Variants in MIA3 observed in about 807,000 individuals in gnomAD.
MIA3 encodes transport and Golgi organization protein 1 homolog.
MIA3 carries 90 observed loss-of-function variants against 192.4 expected under a neutral mutation model. That is an observed-to-expected ratio of 0.47 (90% CI 0.39 to 0.56). MIA3 has a LOEUF of 0.56. Ranked by LOEUF, MIA3 falls within the 20% of genes least tolerant of loss-of-function variation. The pLI is 0.00. For missense variants in MIA3, 2,123 were observed against 2,269.4 expected (o/e 0.94, Z 1.31); for synonymous variants, 740 against 792.8 (o/e 0.93, Z 1.12).
chr1:222,653,919 A>G (rs1165308754), intron 15 of MIA3, among the ~76,000 whole-genome samples: 1 of 152,228 alleles, frequency 6.6e-6, no homozygotes, highest in Non-Finnish European at 1.5e-5. Context: ...GTTTTAAACC[A>G]CACCTGGTAG....
chr1:222,634,089 A>C (rs1306437872), intron 6 of MIA3, among the ~76,000 whole-genome samples: 1 of 152,044 alleles, frequency 6.6e-6, no homozygotes, highest in Non-Finnish European at 1.5e-5. Flanking sequence ...GGAGCTGCCC[A>C]CCTTGGCCTC....
intron 12 of MIA3, 42 bp downstream of exon 12, chr1:222,652,090 C>A: frequency 7.4e-7 from 1 of 1,348,028 alleles, no homozygotes; most frequent in Non-Finnish European, 1.1e-6. Context: ...AATACTATAT[C>A]ATAGTTTGAT....
chr1:222,652,382 C>T (rs1477705911), intron 13 of MIA3, 50 bp downstream of exon 13: 15 of 1,132,490 alleles, frequency 1.3e-5, no homozygotes, highest in Non-Finnish European at 2.0e-5. Context: ...AACTCAGTAT[C>T]ATACCTCATG....
intron 15 of MIA3, 89 bp from the exon 16 acceptor site, chr1:222,654,154 C>T: frequency 8.1e-7 from 1 of 1,236,324 alleles, no homozygotes; most frequent in Non-Finnish European, 1.2e-6. Context: ...TTGAACATGA[C>T]AATTGTTTAG....
chr1:222,662,237 C>T lies in MIA3; in HGVS notation c.5183-16C>T. The T allele has an allele frequency of 1.2e-6, 2 of 1,611,714 alleles. No homozygotes were observed. Among genetic ancestry groups the T allele is most frequent in the Admixed American group, 1.7e-5 (1 of 60,006 alleles). ...AAGTCAGAATAAGTCTACATCAGTT[C>T]TCTGGTCTTTAACAGATCCAGGATC... On this transcript the variant is annotated splice_polypyrimidine_tract_variant and intron_variant, in intron 25 of 27. Coordinates refer to ENST00000344922, the MANE Select transcript of MIA3 (RefSeq NM_198551.4).
At position 222,652,022 on chromosome 1, in the gene MIA3, T is replaced by G; in HGVS notation, c.3955T>G (p.Ser1319Ala). The G allele has an allele frequency of 6.3e-7, 1 of 1,577,460 alleles. No homozygotes were observed. Among genetic ancestry groups the G allele is most frequent in the Non-Finnish European group, 8.7e-7 (1 of 1,146,798 alleles). The change falls in exon 12 of 28, where the codon TCA (serine) becomes GCA (alanine). Residue 1319 changes from serine to alanine, a missense_variant. Physicochemically the swap from Ser to Ala is moderately conservative, Grantham distance 99 (BLOSUM62 1). Around this residue, in one of 3 missense-constraint regions of MIA3, gnomAD observed 762 missense variants for 856.4 expected, o/e 0.89. Coordinates refer to ENST00000344922, the MANE Select transcript of MIA3 (RefSeq NM_198551.4). The stretch of plus-strand genomic sequence containing the variant: ...TATAGAGAAGTTAAAGGATGTTATT[T>G]CAATGAATGCCTCAGAATTTTCAGA... Reference protein sequence around the residue: ...KSIEKLKDVISMNASEFSEVQ... With the variant: ...KSIEKLKDVIAMNASEFSEVQ...
intron 18 of MIA3, 29 bp from the exon 19 acceptor site, chr1:222,658,693 A>G (rs1459186120): frequency 6.6e-7 from 1 of 1,518,046 alleles, no homozygotes; most frequent in East Asian, 2.3e-5. Context: ...AAAGAGAAAC[A>G]CTTTCATTGA....
In MIA3 at chr1:222,664,020, C is replaced by T. The variant is rs1664152589; in HGVS notation, c.5285C>T (p.Pro1762Leu). The T allele has an allele frequency of 1.2e-6, 2 of 1,613,880 alleles. No homozygotes were observed. The highest frequency in any genetic ancestry group is 2.2e-5 in the South Asian group (2 of 91,072). The part of the protein sequence containing the change: ...EGKVNMAPKG[P>L]PPFPGVPLMS... ...CAGGTTAATATGGCTCCAAAAGGGC[C>T]CCCTCCTTTCCCAGGAGTCCCTCTC... The change falls in exon 27 of 28, where the codon CCC (proline) becomes CTC (leucine). Residue 1762 changes from proline to leucine, a missense_variant. Pro to Leu is a moderately conservative substitution (Grantham distance 98). This residue lies in a region of MIA3 where 762 missense variants were observed against 856.4 expected (regional missense o/e 0.89). Transcript: ENST00000344922.
chr1:222,632,626 C>G lies in MIA3; in HGVS notation c.3331+300C>G, dbSNP rs185392451. 2.6e-3 allele frequency among the ~76,000 whole-genome samples: 390 copies of G among 152,248 alleles called. 3 individuals are homozygous for G. The highest frequency in any genetic ancestry group is 9.1e-3 in the African/African-American group (377 of 41,528). ...TCTAAAACAGTAGTTTTCAACCAGC[C>G]CAGCAGCATCAGAAACTCTGGGGGT... is the stretch of plus-strand genomic sequence containing the variant. On this transcript the variant is annotated intron_variant, in intron 5 of 27. Transcript: ENST00000344922.
chr1:222,643,646 C>T (rs1199476771), intron 6 of MIA3, among the ~76,000 whole-genome samples: 2 of 152,152 alleles, frequency 1.3e-5, no homozygotes, highest in African/African-American at 4.8e-5. Flanking sequence ...TTATCCTTGT[C>T]CTTTTCCACA....
Position 222,660,762 on chromosome 1 carries a change from TTATG to T in MIA3, c.5113+454_5113+457del, listed in dbSNP as rs756048596. ...GAAATATAAAAAAATTAAGAAAAATTTATGTATGTCGTGAATGCATAAAATATAT... is the reference window on the plus strand; with the variant it reads ...GAAATATAAAAAAATTAAGAAAAATTTATGTCGTGAATGCATAAAATATAT... On this transcript the variant is annotated intron_variant, in intron 24 of 27. Coordinates refer to ENST00000344922, the MANE Select transcript of MIA3 (RefSeq NM_198551.4). 3.0e-5 allele frequency: 5 copies of T among 166,008 alleles called. No homozygotes were observed. In the South Asian group the frequency reaches 5.7e-4, roughly 19 times the overall value. 10.3% of individuals were successfully genotyped at this position (166,008 alleles called of 1,614,324 possible).
chr1:222,644,944 G>A (rs2124887680), intron 6 of MIA3, among the ~76,000 whole-genome samples: 1 of 152,312 alleles, frequency 6.6e-6, no homozygotes, highest in South Asian at 2.1e-4. Context: ...AAACAGCATA[G>A]AGCAGACAGG....
At chr1:222,618,287 TGGGGTCTCCGCCGGCCCCG>T (rs764516614) in intron 1 of MIA3, 44 bp downstream of exon 1, 3 of 1,342,102 alleles carry the variant, frequency 2.2e-6, no homozygotes, top group African/African-American at 1.5e-5. Flanking sequence ...CGGCTGGCCT[TGGGGTCTCCGCCGGCCCCG>T]GGGGTCTCCG....
chr1:222,652,907 G>A (rs1402216235), intron 13 of MIA3, 101 bp from the exon 14 acceptor site: 4 of 1,358,910 alleles, frequency 2.9e-6, no homozygotes, highest in Non-Finnish European at 4.0e-6. Flanking sequence ...GATAGGCCAA[G>A]GAGAGGCATG....
intron 27 of MIA3, chr1:222,664,794 A>G: frequency 4.1e-6 from 1 of 246,072 alleles, no homozygotes; most frequent in South Asian, 4.7e-5. Flanking sequence ...GAATTTATCA[A>G]AATTTTTATT....
rs771056831 is a variant in MIA3 at position 222,654,759 on chromosome 1, G to C, written c.4573G>C (p.Glu1525Gln). The change falls in exon 18 of 28, where the codon GAG (glutamate) becomes CAG (glutamine). Residue 1525 changes from glutamate (E) to glutamine (Q), a missense_variant. Physicochemically the swap from Glu to Gln is conservative, Grantham distance 29. Transcript: ENST00000344922. ...TLRQKVEILN[E>Q]LYQQKEMALQ... ...GAGGCAGAAAGTGGAGATTCTGAAT[G>C]AGCTCTATCAGCAGAAGGAGATGGC... is the stretch of plus-strand genomic sequence containing the variant. The C allele has an allele frequency of 6.2e-7, 1 of 1,613,992 alleles. No homozygotes were observed. Among genetic ancestry groups the C allele is most frequent in the African/African-American group, 1.3e-5 (1 of 74,926 alleles).
chr1:222,658,785 A>G lies in MIA3; in HGVS notation c.4671A>G (p.Glu1557=), dbSNP rs781691260. The change falls in exon 19 of 28, where the codon GAA becomes GAG. Residue 1557 remains glutamate (E), a synonymous_variant. Coordinates refer to ENST00000344922, the MANE Select transcript of MIA3 (RefSeq NM_198551.4). ...EREHRLSAAD[E]KAVSAAEEVK... Reference sequence around the variant, plus strand: ...AGCACAGGCTGTCAGCTGCAGATGAAAAGGCAGTTTCGGCTGCAGAGGAAG... The same window carrying G: ...AGCACAGGCTGTCAGCTGCAGATGAGAAGGCAGTTTCGGCTGCAGAGGAAG... 1 of 1,613,444 alleles carries G rather than the reference A, an allele frequency of 6.2e-7. No individual in the cohort carries two copies. The highest frequency in any genetic ancestry group is 8.5e-7 in the Non-Finnish European group (1 of 1,179,632).
chr1:222,665,124 G>A (rs576085659), intron 27 of MIA3, 185 bp from the exon 28 acceptor site: 16 of 572,910 alleles, frequency 2.8e-5, no homozygotes, highest in East Asian at 5.9e-5. Flanking sequence ...GATTGAGTCC[G>A]GGAGATTGAG....
chr1:222,660,871 C>G (rs1051764875), intron 24 of MIA3: 1 of 152,864 alleles, frequency 6.5e-6, no homozygotes, highest in Non-Finnish European at 1.5e-5. Context: ...TCAAAACTTG[C>G]ACAAGCACAG....
Sources: allele counts gnomAD v4.1 joint callset (sites outside exome capture counted in the v4.1 genomes callset), GRCh38; gene constraint gnomAD v4.1.1; regional missense constraint gnomAD v4.1.1; transcripts MANE v1.5; gene names NCBI Gene and HGNC (gene_info 2026-07-23, HGNC 2026-07-21).